SMARCAD1: variants seen among roughly 807,000 people sequenced by gnomAD.
SMARCAD1 encodes the protein SWI/SNF-related matrix-associated actin-dependent regulator of chromatin subfamily A containing DEAD/H box 1.
A neutral mutation model predicts 127.1 loss-of-function variants in SMARCAD1; 25 were observed. The ratio of observed to expected loss-of-function variants is 0.20; its 90% CI spans 0.14 to 0.27. SMARCAD1 has a LOEUF of 0.27. SMARCAD1 is among the 10% of genes least tolerant of loss of function. The pLI is 1.00. For missense variants in SMARCAD1, 807 were observed against 1,206.0 expected, an observed-to-expected ratio of 0.67 and a Z score of 4.90; for synonymous variants, 400 against 396.9, an observed-to-expected ratio of 1.01 and a Z score of -0.09.
intron 6 of SMARCAD1, among the ~76,000 whole-genome samples, chr4:94,246,887 G>A (rs1378733849): frequency 2.0e-5 from 3 of 152,156 alleles, no homozygotes; most frequent in South Asian, 2.1e-4. Context: ...GATCTAATTG[G>A]GAAAGGGGAA....
Position 94,290,911 on chromosome 4 carries a change from A to G in SMARCAD1, c.*1377A>G, listed in dbSNP as rs1406633176. 1 of 453,908 alleles carries G rather than the reference A, an allele frequency of 2.2e-6. No homozygotes were observed. The highest frequency in any genetic ancestry group is 4.4e-6 in the Non-Finnish European group (1 of 226,564). The allele number at this position is 453,908 out of a possible 1,614,324, so 28.1% of individuals were successfully genotyped here. A position where few individuals can be genotyped will look rare whatever the true frequency, so the allele number is the denominator to read the frequency against. ...ACGACCCTCTGGATTTGGAAGGCAAATAAAACTCTTACAGTGATTATTTAG... is the reference window on the plus strand; with the variant it reads ...ACGACCCTCTGGATTTGGAAGGCAAGTAAAACTCTTACAGTGATTATTTAG... On this transcript the variant is annotated 3_prime_UTR_variant, in exon 24 of 24. Coordinates refer to ENST00000354268, the MANE Select transcript of SMARCAD1 (RefSeq NM_020159.5).
Position 94,233,974 on chromosome 4 carries a change from A to G in SMARCAD1, c.389A>G (p.Glu130Gly). Residue 130 changes from glutamate to glycine, a missense_variant, in exon 4 of 24, where the codon GAA becomes GGA. Glu to Gly is a moderately conservative substitution (Grantham distance 98). Transcript: ENST00000354268. ...VIIVSEPSED[E>G]ESQGLPTMAR... ...TTTAGTTCTGAGCCATCTGAAGATG[A>G]AGAGTCCCAAGGCCTTCCTACCATG... 1 of 1,613,750 alleles carries G rather than the reference A, an allele frequency of 6.2e-7. No individual in the cohort carries two copies. The highest frequency in any genetic ancestry group is 1.3e-5 in the African/African-American group (1 of 75,024).
In SMARCAD1 at chr4:94,282,108, T is replaced by TG. The variant is rs1440290167; in HGVS notation, c.2726+518_2726+519insG. Among the ~76,000 whole-genome samples the TG allele has an allele frequency of 2.0e-3, 189 of 93,208 alleles. 6 individuals carry two copies. The East Asian group carries it at 0.044, about 22-fold the overall frequency. 61.1% of individuals were successfully genotyped at this position (93,208 alleles called of 152,430 possible). ...TGCAAATACGTTTTTTTGTTTTTTT[T>TG]TTTTTTTTTGAGACGGAGTCTCGCT... On this transcript the variant is annotated intron_variant, in intron 21 of 23. Transcript: ENST00000354268.
At chr4:94,275,040 T>A in intron 14 of SMARCAD1, 75 bp downstream of exon 14, 1 of 1,023,988 alleles carries the variant, frequency 9.8e-7, no homozygotes, top group Non-Finnish European at 1.5e-6. Context: ...GTAGTAGTAC[T>A]ATGTAGGAAA....
At chr4:94,218,207 T>C (rs1420474597) in intron 2 of SMARCAD1, among the ~76,000 whole-genome samples, 1 of 152,188 alleles carries the variant, frequency 6.6e-6, no homozygotes, top group Non-Finnish European at 1.5e-5. Context: ...GTCCCTCCTT[T>C]AGGTTTAACG....
intron 2 of SMARCAD1, 70 bp downstream of exon 2, chr4:94,208,654 C>T: frequency 1.2e-5 from 17 of 1,415,708 alleles, no homozygotes; most frequent in Non-Finnish European, 1.6e-5. Flanking sequence ...AGAAGGGATT[C>T]TCATTTTTAT....
At chr4:94,250,136 TTA>T (rs1425353810) in intron 7 of SMARCAD1, among the ~76,000 whole-genome samples, 1 of 151,966 alleles carries the variant, frequency 6.6e-6, no homozygotes, top group East Asian at 1.9e-4. Context: ...TTTCAGTGTC[TTA>T]ATATTTTATA....
chr4:94,215,721 T>C (rs906358134), intron 2 of SMARCAD1, among the ~76,000 whole-genome samples: 25 of 152,312 alleles, frequency 1.6e-4, no homozygotes, highest in Admixed American at 4.6e-4. Context: ...AGACTACATC[T>C]TGGTTTTGAT....
intron 2 of SMARCAD1, among the ~76,000 whole-genome samples, chr4:94,211,925 G>T (rs1284246717): frequency 8.4e-6 from 1 of 119,366 alleles, no homozygotes; most frequent in East Asian, 2.8e-4. Context: ...TTTCTTCATA[G>T]TATTTATCAC....
chr4:94,278,733 G>A lies in SMARCAD1; in HGVS notation c.2296G>A (p.Glu766Lys), dbSNP rs1753627510. 6.2e-7 allele frequency: 1 copy of A among 1,612,942 alleles called. No individual in the cohort carries two copies. The highest frequency in any genetic ancestry group is 8.5e-7 in the Non-Finnish European group (1 of 1,179,142). ...ATTGAAAAAATCTATCAATAACTTG[G>A]GTATAATCTGATTTTTACTCTTTTA... ...NRLKKSINNL[E>K]KNTEMCNVMM... Residue 766 changes from glutamate (E) to lysine (K), a missense_variant and splice_region_variant, in exon 18 of 24, where the codon GAA (glutamate) becomes AAA (lysine). Physicochemically the swap from Glu to Lys is moderately conservative, Grantham distance 56. Transcript: ENST00000354268.
chr4:94,287,856 CA>C (rs1289361433), intron 23 of SMARCAD1, among the ~76,000 whole-genome samples: 1 of 151,672 alleles, frequency 6.6e-6, no homozygotes, highest in Admixed American at 6.6e-5. Context: ...AATAGTCATA[CA>C]AAAATGAAAG....
At chr4:94,253,417 A>G in intron 9 of SMARCAD1, 2 of 1,241,288 alleles carry the variant, frequency 1.6e-6, no homozygotes, top group Non-Finnish European at 2.1e-6. Flanking sequence ...TTGAAGAGCA[A>G]TAGCAACGGC....
intron 6 of SMARCAD1, among the ~76,000 whole-genome samples, chr4:94,242,741 C>CCA (rs1747784598): frequency 7.8e-6 from 1 of 127,616 alleles, no homozygotes; most frequent in South Asian, 2.5e-4. Context: ...CCTGTCTCTG[C>CCA]AAAAAAAAAA....
In SMARCAD1 at chr4:94,207,937, G is replaced by C. The variant is rs1741454956; in HGVS notation, c.-183G>C. On this transcript the variant is annotated 5_prime_UTR_variant, in exon 1 of 24. Transcript: ENST00000354268. ...CCTTCTTTGGCCCCTTTGTGTCCCC[G>C]CAGTGTCGAGGCGCGGGCCCTGGCA... 2.8e-6 allele frequency: 1 copy of C among 353,138 alleles called. No homozygotes were observed. The highest frequency in any genetic ancestry group is 5.6e-6 in the Non-Finnish European group (1 of 179,180). The allele number at this position is 353,138 out of a possible 1,614,324, so 21.9% of individuals were successfully genotyped here.
intron 11 of SMARCAD1, among the ~76,000 whole-genome samples, chr4:94,272,488 C>G (rs968773078): frequency 6.6e-6 from 1 of 152,192 alleles, no homozygotes; most frequent in Admixed American, 6.5e-5. Context: ...AGAAGCTTTT[C>G]CATCATCCCA....
intron 19 of SMARCAD1, 38 bp downstream of exon 19, chr4:94,279,088 A>G: frequency 6.2e-7 from 1 of 1,612,714 alleles, no homozygotes; most frequent in Non-Finnish European, 8.5e-7. Context: ...AAGCTTTAAT[A>G]AGAGGTTAAG....
intron 6 of SMARCAD1, among the ~76,000 whole-genome samples, chr4:94,244,325 T>C (rs1748069149): frequency 6.6e-6 from 1 of 152,222 alleles, no homozygotes; most frequent in Non-Finnish European, 1.5e-5. Flanking sequence ...TACAGTTTCC[T>C]AAGCCTTTGG....
At position 94,285,061 on chromosome 4, in the gene SMARCAD1, T is replaced by C; in HGVS notation, c.3011T>C (p.Val1004Ala). Reference protein sequence around the residue: ...KLKLEQDMTTVDEGDEGSMPA... With the variant: ...KLKLEQDMTTADEGDEGSMPA... ...AAACTAGAACAGGATATGACTACAG[T>C]AGATGAAGGTGAGTTGTTTGTAAGC... Residue 1004 changes from valine to alanine, a missense_variant, in exon 23 of 24, where the codon GTA becomes GCA. Val to Ala is a moderately conservative substitution (Grantham distance 64, BLOSUM62 0). Around this residue, in one of 8 missense-constraint regions of SMARCAD1, gnomAD observed 36 missense variants for 67.4 expected, o/e 0.53. Coordinates refer to ENST00000354268, the MANE Select transcript of SMARCAD1 (RefSeq NM_020159.5). 1 of 1,599,180 alleles carries C rather than the reference T, an allele frequency of 6.3e-7. No homozygotes were observed. Among genetic ancestry groups the C allele is most frequent in the South Asian group, 1.1e-5 (1 of 90,666 alleles).
intron 9 of SMARCAD1, among the ~76,000 whole-genome samples, chr4:94,259,969 C>T (rs976595255): frequency 4.6e-5 from 7 of 152,082 alleles, no homozygotes; most frequent in African/African-American, 1.7e-4. Context: ...AATTAAGATC[C>T]AAGTAAGGTC....
Sources: allele counts gnomAD v4.1 joint callset (sites outside exome capture counted in the v4.1 genomes callset), GRCh38; gene constraint gnomAD v4.1.1; regional missense constraint gnomAD v4.1.1; transcripts MANE v1.5; gene names NCBI Gene and HGNC (gene_info 2026-07-23, HGNC 2026-07-21).